Variants in UBE2U observed in about 807,000 individuals in gnomAD.
UBE2U encodes ubiquitin-conjugating enzyme E2 U.
In UBE2U, 39 loss-of-function variants were observed where a neutral mutation model predicts 41.2. That is an observed-to-expected ratio of 0.95 (90% CI 0.73 to 1.24). The LOEUF (loss-of-function observed/expected upper bound fraction) is 1.24. UBE2U is among the 50% of genes most tolerant of loss of function. The pLI, the probability that UBE2U is intolerant of heterozygous loss-of-function variation, is 0.00. For synonymous variants in UBE2U, 107 were observed against 117.8 expected, an observed-to-expected ratio of 0.91 and a Z score of 0.60; for missense variants, 336 against 363.1, an observed-to-expected ratio of 0.93 and a Z score of 0.61.
chr1:64,206,753 C>G lies in UBE2U; in HGVS notation c.149-11C>G. ...GACACTTTAGTAAAAATGTTTATTT[C>G]TATATTATAGGTTTAGTCTTCCAAC... On this transcript the variant is annotated splice_polypyrimidine_tract_variant and intron_variant, in intron 2 of 9. Transcript: ENST00000371077. 6.7e-7 allele frequency: 1 copy of G among 1,499,580 alleles called. No homozygotes were observed. Among genetic ancestry groups the G allele is most frequent in the South Asian group, 1.2e-5 (1 of 85,248 alleles). The allele number at this position is 1,499,580 out of a possible 1,614,324, so 92.9% of individuals were successfully genotyped here.
At chr1:64,236,735 A>G (rs1644674541) in intron 7 of UBE2U, among the ~76,000 whole-genome samples, 1 of 152,202 alleles carries the variant, frequency 6.6e-6, no homozygotes, top group Non-Finnish European at 1.5e-5. Flanking sequence ...GCTTCACCCT[A>G]GGAGACTTTT....
intron 8 of UBE2U, among the ~76,000 whole-genome samples, chr1:64,257,770 TA>T (rs1645118048): frequency 6.6e-6 from 1 of 152,082 alleles, no homozygotes; most frequent in Non-Finnish European, 1.5e-5. Context: ...CCCCTGAACT[TA>T]AAATAAAAGT....
At chr1:64,265,054 C>G (rs1404011426) in intron 9 of UBE2U, among the ~76,000 whole-genome samples, 1 of 152,134 alleles carries the variant, frequency 6.6e-6, no homozygotes, top group Admixed American at 6.6e-5. Flanking sequence ...TTGCCGTCCA[C>G]TCTTAAAAAT....
intron 8 of UBE2U, among the ~76,000 whole-genome samples, chr1:64,246,927 C>A (rs1644930245): frequency 6.6e-6 from 1 of 152,068 alleles, no homozygotes; most frequent in Non-Finnish European, 1.5e-5. Context: ...CAAGCAGGCA[C>A]CATGTCAGAC....
intron 7 of UBE2U, among the ~76,000 whole-genome samples, chr1:64,233,841 G>A (rs190342365): frequency 1.3e-5 from 2 of 152,270 alleles, no homozygotes; most frequent in East Asian, 3.9e-4. Context: ...CTTCTAAAAT[G>A]GTGCATTCTG....
Position 64,241,641 on chromosome 1 carries a change from T to C in UBE2U, c.596-11T>C. The C allele has an allele frequency of 2.5e-6, 4 of 1,585,818 alleles. No individual in the cohort carries two copies. The highest frequency in any genetic ancestry group is 3.4e-6 in the Non-Finnish European group (4 of 1,163,602). On this transcript the variant is annotated splice_polypyrimidine_tract_variant and intron_variant, in intron 7 of 9. Coordinates refer to ENST00000371077, the MANE Select transcript of UBE2U (RefSeq NM_001366232.2). ...TATGTATAGCTTCTTTTTTTAATAT[T>C]CTAATTTCAGTGCTCAAAGTTCCAA...
Position 64,206,986 on chromosome 1 carries a change from T to C in UBE2U, c.241+130T>C, listed in dbSNP as rs77033583. 500 of 658,990 alleles carry C rather than the reference T, an allele frequency of 7.6e-4. 2 individuals carry two copies. In the African/African-American group the frequency reaches 8.4e-3, roughly 11 times the overall value. The allele number at this position is 658,990 out of a possible 1,614,324, so 40.8% of individuals were successfully genotyped here. On this transcript the variant is annotated intron_variant, in intron 3 of 9. Coordinates refer to ENST00000371077, the MANE Select transcript of UBE2U (RefSeq NM_001366232.2). ...GTAAGAACTCTCATTGGGGAAAATA[T>C]GAAAAGGCTGGAAAAAATTAGCAAT...
At chr1:64,227,943 A>G (rs1008089358) in intron 6 of UBE2U, among the ~76,000 whole-genome samples, 5 of 152,216 alleles carry the variant, frequency 3.3e-5, no homozygotes, top group Non-Finnish European at 5.9e-5. Flanking sequence ...GAAATATCCA[A>G]TGTTTGTGGC....
chr1:64,259,044 GT>G (rs771389101), intron 8 of UBE2U, among the ~76,000 whole-genome samples: 133 of 152,182 alleles, frequency 8.7e-4, no homozygotes, highest in Middle Eastern at 3.4e-3. Flanking sequence ...TCTCATTGTG[GT>G]TTTGATTTGC....
At chr1:64,209,483 G>T (rs749332212) in intron 3 of UBE2U, among the ~76,000 whole-genome samples, 8 of 152,216 alleles carry the variant, frequency 5.3e-5, no homozygotes, top group Non-Finnish European at 8.8e-5. Flanking sequence ...GCAGGCCTTC[G>T]GTTTGGGAGT....
chr1:64,250,593 G>T (rs1022355382), intron 8 of UBE2U, among the ~76,000 whole-genome samples: 2 of 152,098 alleles, frequency 1.3e-5, no homozygotes, highest in African/African-American at 4.8e-5. Flanking sequence ...AAATCATGCT[G>T]CTATAAAGAC....
At chr1:64,265,879 G>C (rs1437983990) in intron 9 of UBE2U, among the ~76,000 whole-genome samples, 3 of 152,176 alleles carry the variant, frequency 2.0e-5, no homozygotes, top group Non-Finnish European at 1.5e-5. Flanking sequence ...TGCCCGGTCT[G>C]TCTGTGTATC....
At chr1:64,232,981 C>T (rs937102947) in intron 7 of UBE2U, among the ~76,000 whole-genome samples, 4 of 151,784 alleles carry the variant, frequency 2.6e-5, no homozygotes, top group Non-Finnish European at 5.9e-5. Flanking sequence ...TAGGCAAAAG[C>T]CACTATGCAT....
intron 8 of UBE2U, among the ~76,000 whole-genome samples, chr1:64,259,378 T>C (rs1014528952): frequency 6.6e-6 from 1 of 152,200 alleles, no homozygotes; most frequent in African/African-American, 2.4e-5. Flanking sequence ...TTTGGTGTTT[T>C]AGTCATGAAG....
intron 7 of UBE2U, among the ~76,000 whole-genome samples, chr1:64,241,369 C>T (rs959492601): frequency 1.3e-5 from 2 of 152,108 alleles, no homozygotes; most frequent in Admixed American, 6.5e-5. Flanking sequence ...CAATGGTCTC[C>T]TATAAATTTT....
chr1:64,227,402 A>G (rs114472023), intron 6 of UBE2U, among the ~76,000 whole-genome samples: 1 of 152,374 alleles, frequency 6.6e-6, no homozygotes, highest in African/African-American at 2.4e-5. Flanking sequence ...TTGAAAATTA[A>G]TTAGTGAATT....
At chr1:64,205,257 G>A (rs1396386838) in intron 1 of UBE2U, among the ~76,000 whole-genome samples, 1 of 152,042 alleles carries the variant, frequency 6.6e-6, no homozygotes, top group Non-Finnish European at 1.5e-5. Flanking sequence ...CTTTCATATA[G>A]CATTCATATA....
At chr1:64,224,760 G>A (rs1652746510) in intron 6 of UBE2U, among the ~76,000 whole-genome samples, 1 of 151,532 alleles carries the variant, frequency 6.6e-6, no homozygotes, top group Admixed American at 6.6e-5. Flanking sequence ...GTTGGACACA[G>A]AAATTCAGTG....
chr1:64,228,324 C>T (rs1470052010), intron 6 of UBE2U, among the ~76,000 whole-genome samples: 3 of 152,094 alleles, frequency 2.0e-5, no homozygotes, highest in South Asian at 2.1e-4. Flanking sequence ...ATCTACATAA[C>T]GGGGGAAGAA....
Sources: gnomAD v4.1 joint callset for allele counts (sites outside exome capture counted in the v4.1 genomes callset) on GRCh38, gnomAD v4.1.1 for gene constraint, MANE v1.5 for transcripts, NCBI Gene and HGNC (gene_info 2026-07-23, HGNC 2026-07-21) for gene names.